The following SNCAIP variants were observed in gnomAD, a reference collection of about 807,000 sequenced individuals.
SNCAIP encodes synphilin-1.
Under a neutral mutation model 86.7 loss-of-function variants are expected in SNCAIP, and 43 were observed. The ratio of observed to expected loss-of-function variants is 0.50; its 90% CI spans 0.39 to 0.64. The LOEUF is 0.64. SNCAIP is among the 30% of genes least tolerant of loss of function. The pLI is 0.00. For synonymous variants in SNCAIP, 417 were observed against 427.2 expected, an observed-to-expected ratio of 0.98 and a Z score of 0.29; for missense variants, 981 against 1,103.1, an observed-to-expected ratio of 0.89 and a Z score of 1.57.
At chr5:122,327,690 T>A (rs1022446818) in intron 1 of SNCAIP, among the ~76,000 whole-genome samples, 8 of 152,168 alleles carry the variant, frequency 5.3e-5, no homozygotes, top group Non-Finnish European at 1.2e-4. Context: ...GAACTGTGAG[T>A]CAATTAAACC....
chr5:122,371,192 A>G (rs1306300058), intron 1 of SNCAIP, among the ~76,000 whole-genome samples: 1 of 151,930 alleles, frequency 6.6e-6, no homozygotes, highest in Non-Finnish European at 1.5e-5. Flanking sequence ...CTGTAGTCCC[A>G]GTGACTTGGG....
At chr5:122,346,667 T>C (rs571133188) in intron 1 of SNCAIP, among the ~76,000 whole-genome samples, 2 of 152,200 alleles carry the variant, frequency 1.3e-5, no homozygotes, top group Non-Finnish European at 2.9e-5. Context: ...AGGGATAAGC[T>C]AGACAGCTAA....
At position 122,396,537 on chromosome 5, in the gene SNCAIP, C is replaced by A. The variant is rs1170263869; in HGVS notation, c.57+5346C>A. Among the ~76,000 whole-genome samples, 5 of 152,182 alleles carry A rather than the reference C, an allele frequency of 3.3e-5. No individual in the cohort carries two copies. In the East Asian group the frequency reaches 9.6e-4, roughly 29 times the overall value. ...TGACTATGCAGATTATTGACAAAAA[C>A]TGTTCACCTTTTCATCACAATTAGT... On this transcript the variant is annotated intron_variant, in intron 2 of 10. Coordinates refer to ENST00000261368, the MANE Select transcript of SNCAIP (RefSeq NM_005460.4).
chr5:122,442,480 T>A lies in SNCAIP; in HGVS notation c.1422+1726T>A, dbSNP rs186870528. Among the ~76,000 whole-genome samples, 336 of 152,346 alleles carry A rather than the reference T, an allele frequency of 2.2e-3. 1 individual carries two copies. The highest frequency in any genetic ancestry group is 7.2e-3 in the African/African-American group (301 of 41,574). ...TTTTTCTATTATTGTTGGCAAAGTG[T>A]GCATCTTCTAATTTAAGGCATCAAG... On this transcript the variant is annotated intron_variant, in intron 7 of 10. Transcript: ENST00000261368.
chr5:122,420,149 A>G (rs1328347023), intron 3 of SNCAIP, among the ~76,000 whole-genome samples: 2 of 152,240 alleles, frequency 1.3e-5, no homozygotes, highest in Admixed American at 1.3e-4. Flanking sequence ...AGGTTTGAAG[A>G]AGGAGAGGGA....
At chr5:122,312,677 A>C (rs1032420335) in intron 1 of SNCAIP, 5 of 152,224 alleles carry the variant, frequency 3.3e-5, no homozygotes, top group Non-Finnish European at 7.3e-5. Flanking sequence ...TGAGATAAGG[A>C]GGGGCGAAGT....
intron 2 of SNCAIP, among the ~76,000 whole-genome samples, chr5:122,396,380 G>A (rs1770625173): frequency 6.6e-6 from 1 of 152,164 alleles, no homozygotes; most frequent in African/African-American, 2.4e-5. Flanking sequence ...AGAAGGTAGA[G>A]AATAACTCTA....
intron 2 of SNCAIP, among the ~76,000 whole-genome samples, chr5:122,398,953 A>G (rs1204079214): frequency 6.6e-6 from 1 of 152,128 alleles, no homozygotes; most frequent in Non-Finnish European, 1.5e-5. Flanking sequence ...GATGTATAGA[A>G]TCATCTTGTG....
At chr5:122,440,247 A>C (rs1002781623) in intron 6 of SNCAIP, among the ~76,000 whole-genome samples, 2 of 152,260 alleles carry the variant, frequency 1.3e-5, no homozygotes, top group Non-Finnish European at 1.5e-5. Context: ...AGTATAACAC[A>C]GCAGCAAGAA....
chr5:122,382,469 T>C (rs982508955), intron 1 of SNCAIP, among the ~76,000 whole-genome samples: 1 of 152,208 alleles, frequency 6.6e-6, no homozygotes, highest in Non-Finnish European at 1.5e-5. Flanking sequence ...AGTTTTCAAC[T>C]TCTTTGCCTT....
At chr5:122,348,136 T>C (rs988606962) in intron 1 of SNCAIP, among the ~76,000 whole-genome samples, 2 of 152,200 alleles carry the variant, frequency 1.3e-5, no homozygotes, top group Admixed American at 6.5e-5. Flanking sequence ...AAAGGACATA[T>C]GCCTTTCATT....
At chr5:122,391,774 T>C (rs17149117) in intron 2 of SNCAIP, among the ~76,000 whole-genome samples, 19,881 of 152,202 alleles carry the variant, frequency 0.13, 1,381 homozygotes, top group South Asian at 0.24. Context: ...TTAATTCCCA[T>C]AACAGCCACA....
chr5:122,368,745 T>C (rs1049558970), intron 1 of SNCAIP, among the ~76,000 whole-genome samples: 6 of 152,176 alleles, frequency 3.9e-5, no homozygotes, highest in Non-Finnish European at 7.3e-5. Flanking sequence ...CATTAGTATA[T>C]CTAAAAGGCA....
At chr5:122,334,336 G>A (rs1755984289) in intron 1 of SNCAIP, among the ~76,000 whole-genome samples, 1 of 152,006 alleles carries the variant, frequency 6.6e-6, no homozygotes, top group Non-Finnish European at 1.5e-5. Context: ...GCCAGCAAGA[G>A]GCCTGGCTGA....
intron 1 of SNCAIP, among the ~76,000 whole-genome samples, chr5:122,343,079 G>T (rs1023537651): frequency 6.6e-6 from 1 of 152,216 alleles, no homozygotes; most frequent in Non-Finnish European, 1.5e-5. Context: ...ATATGTTCAT[G>T]AGTTAAAGTC....
In SNCAIP at chr5:122,317,999, T is replaced by C. The variant is rs1017016178; in HGVS notation, c.-47+5715T>C. Among the ~76,000 whole-genome samples, 3 of 152,058 alleles carry C rather than the reference T, an allele frequency of 2.0e-5. 1 individual carries two copies. The South Asian group carries it at 6.2e-4, about 32-fold the overall frequency. ...CTGCTTGCTCTTTCTAAAGAATAGA[T>C]AAAATTGAATTATATAACTCCCTGC... On this transcript the variant is annotated intron_variant, in intron 1 of 10. Transcript: ENST00000261368.
chr5:122,445,461 A>AG (rs1186671903), intron 8 of SNCAIP, among the ~76,000 whole-genome samples: 1 of 152,118 alleles, frequency 6.6e-6, no homozygotes, highest in African/African-American at 2.4e-5. Context: ...TGAAGGACTA[A>AG]GGAGTTAACA....
At chr5:122,345,677 C>T (rs764689018) in intron 1 of SNCAIP, among the ~76,000 whole-genome samples, 10 of 146,466 alleles carry the variant, frequency 6.8e-5, no homozygotes, top group Middle Eastern at 3.4e-3. Flanking sequence ...GCTCAACACC[C>T]GGAGTCAGGG....
chr5:122,425,336 C>G lies in SNCAIP; in HGVS notation c.1003-16C>G. The G allele has an allele frequency of 6.2e-7, 1 of 1,606,688 alleles. No individual in the cohort carries two copies. Among genetic ancestry groups the G allele is most frequent in the Non-Finnish European group, 8.5e-7 (1 of 1,173,154 alleles). The stretch of plus-strand genomic sequence containing the variant: ...GATTTATTGACTTGGGTTTTCTAAT[C>G]TTACTATTTATACAGCCACACCTAG... On this transcript the variant is annotated splice_polypyrimidine_tract_variant and intron_variant, in intron 4 of 10. Transcript: ENST00000261368.
Sources: allele counts gnomAD v4.1 joint callset (sites outside exome capture counted in the v4.1 genomes callset), GRCh38; gene constraint gnomAD v4.1.1; transcripts MANE v1.5; gene names NCBI Gene and HGNC (gene_info 2026-07-23, HGNC 2026-07-21).